SEMA3A: variants seen among roughly 807,000 people sequenced by gnomAD.
The protein encoded by SEMA3A is semaphorin 3A, also known as semaphorin-3A.
SEMA3A carries 29 observed loss-of-function variants against 97.9 expected under a neutral mutation model. The observed-to-expected ratio is 0.30, with a 90% CI of 0.22 to 0.40. The LOEUF (loss-of-function observed/expected upper bound fraction) is 0.40, where lower values mean the gene tolerates loss of function less well. SEMA3A is among the 10% of genes least tolerant of loss of function. The pLI is 1.00. For synonymous variants in SEMA3A, 321 were observed against 323.7 expected, an observed-to-expected ratio of 0.99 and a Z score of 0.09; for missense variants, 763 against 951.3, an observed-to-expected ratio of 0.80 and a Z score of 2.60.
Position 84,178,238 on chromosome 7 carries a change from C to T in SEMA3A, c.112+16237G>A, listed in dbSNP as rs551741092. Among the ~76,000 whole-genome samples the T allele has an allele frequency of 1.3e-3, 203 of 152,214 alleles. 1 individual carries two copies. The highest frequency in any genetic ancestry group is 4.8e-3 in the African/African-American group (200 of 41,562). On this transcript the variant is annotated intron_variant, in intron 1 of 16. Transcript: ENST00000265362. ...TCTAATTCCTTTGTAAATAAGGCCTCTTTTGCTTTTTTATAACACTTATTG... is the reference window on the plus strand; with the variant it reads ...TCTAATTCCTTTGTAAATAAGGCCTTTTTTGCTTTTTTATAACACTTATTG...
intron 3 of SEMA3A, among the ~76,000 whole-genome samples, chr7:84,286,852 A>G (rs966849589): frequency 6.6e-6 from 1 of 152,184 alleles, no homozygotes; most frequent in African/African-American, 2.4e-5. Flanking sequence ...TCATTTAAAA[A>G]TGCCATAATC....
intron 2 of SEMA3A, among the ~76,000 whole-genome samples, chr7:84,308,437 A>T: frequency 6.6e-6 from 1 of 152,226 alleles, no homozygotes; most frequent in East Asian, 1.9e-4. Flanking sequence ...TGGTGAAATT[A>T]TCTGAAGTTA....
intron 1 of SEMA3A, among the ~76,000 whole-genome samples, chr7:84,416,067 T>C (rs146650868): frequency 9.8e-4 from 149 of 152,180 alleles, no homozygotes; most frequent in Middle Eastern, 3.4e-3. Flanking sequence ...TAAAGTATAA[T>C]GTGGGACTAA....
intron 3 of SEMA3A, among the ~76,000 whole-genome samples, chr7:84,272,524 T>A (rs1037828637): frequency 6.6e-6 from 1 of 152,084 alleles, no homozygotes; most frequent in South Asian, 2.1e-4. Flanking sequence ...AGGAACCTAG[T>A]TCTGAGGAAC....
chr7:83,979,458 T>C (rs1789306390), intron 14 of SEMA3A, among the ~76,000 whole-genome samples: 1 of 152,142 alleles, frequency 6.6e-6, no homozygotes, highest in East Asian at 1.9e-4. Context: ...AGTAAGATAA[T>C]AGCCACCTAG....
chr7:83,990,937 C>A (rs1279463028), intron 12 of SEMA3A, among the ~76,000 whole-genome samples: 1 of 152,140 alleles, frequency 6.6e-6, no homozygotes, highest in Admixed American at 6.5e-5. Flanking sequence ...GATATTGATT[C>A]TTCCTACCCA....
chr7:84,236,466 C>T (rs1030570150), intron 3 of SEMA3A, among the ~76,000 whole-genome samples: 8 of 152,108 alleles, frequency 5.3e-5, no homozygotes, highest in African/African-American at 1.9e-4. Flanking sequence ...GATTGCCTCT[C>T]TTTGCAAGAG....
At chr7:84,051,044 G>A (rs1216122766) in intron 5 of SEMA3A, among the ~76,000 whole-genome samples, 1 of 151,614 alleles carries the variant, frequency 6.6e-6, no homozygotes, top group East Asian at 1.9e-4. Context: ...ATTTCGGAGG[G>A]CTCTGTTCTG....
At chr7:84,051,875 A>T (rs1792673177) in intron 5 of SEMA3A, among the ~76,000 whole-genome samples, 1 of 150,388 alleles carries the variant, frequency 6.6e-6, no homozygotes, top group South Asian at 2.1e-4. Context: ...ATTATTTTGA[A>T]ATACGTCCCA....
chr7:84,404,518 A>C (rs917765467), intron 1 of SEMA3A, among the ~76,000 whole-genome samples: 17 of 152,232 alleles, frequency 1.1e-4, no homozygotes, highest in South Asian at 8.3e-4. Context: ...GGCAGGCCAA[A>C]ATTCAAATTC....
At chr7:84,430,580 T>C (rs2116317596) in intron 1 of SEMA3A, among the ~76,000 whole-genome samples, 1 of 152,120 alleles carries the variant, frequency 6.6e-6, no homozygotes, top group East Asian at 1.9e-4. Context: ...ATCACATCAG[T>C]GTGAAAAATA....
chr7:84,274,643 T>C (rs930918534), intron 3 of SEMA3A, among the ~76,000 whole-genome samples: 1 of 152,090 alleles, frequency 6.6e-6, no homozygotes, highest in Admixed American at 6.6e-5. Context: ...ATTATGTAAA[T>C]GTACTCTACT....
chr7:84,328,842 GA>G (rs568405958), intron 2 of SEMA3A, among the ~76,000 whole-genome samples: 1 of 152,054 alleles, frequency 6.6e-6, no homozygotes, highest in Non-Finnish European at 1.5e-5. Context: ...ATGATGAAAA[GA>G]AATGCAATAA....
rs866020928 is a variant in SEMA3A at position 84,028,887 on chromosome 7, G to A, written c.668-14536C>T. 1.5e-4 allele frequency among the ~76,000 whole-genome samples: 23 copies of A among 152,296 alleles called. No individual in the cohort carries two copies. The Middle Eastern group carries it at 0.01, about 68-fold the overall frequency. On this transcript the variant is annotated intron_variant, in intron 6 of 16. Coordinates refer to ENST00000265362, the MANE Select transcript of SEMA3A (RefSeq NM_006080.3). ...GCCCGCCTCGGCCTCCCAAAGTGCT[G>A]GGATTACAGGCGTGAGCCACAGTGC...
At chr7:83,983,160 ATTG>A (rs968573953) in intron 13 of SEMA3A, among the ~76,000 whole-genome samples, 4 of 152,142 alleles carry the variant, frequency 2.6e-5, no homozygotes, top group Admixed American at 2.6e-4. Flanking sequence ...TAGATTAAGT[ATTG>A]TTAAGCTTTC....
At chr7:84,241,721 G>T (rs566051145) in intron 3 of SEMA3A, among the ~76,000 whole-genome samples, 1 of 152,126 alleles carries the variant, frequency 6.6e-6, no homozygotes, top group Non-Finnish European at 1.5e-5. Flanking sequence ...GCCCTGAATG[G>T]TATTGCCTAG....
chr7:84,213,138 C>G (rs912321646), intron 3 of SEMA3A, among the ~76,000 whole-genome samples: 1 of 152,020 alleles, frequency 6.6e-6, no homozygotes, highest in South Asian at 2.1e-4. Flanking sequence ...CCACCATGCC[C>G]GGCTAATGTT....
intron 2 of SEMA3A, among the ~76,000 whole-genome samples, chr7:84,338,426 C>T (rs963767151): frequency 6.6e-6 from 1 of 151,888 alleles, no homozygotes; most frequent in Non-Finnish European, 1.5e-5. Flanking sequence ...TGCATCATCC[C>T]ACTCTGGCAT....
chr7:84,044,275 C>T (rs1484214381), intron 6 of SEMA3A, among the ~76,000 whole-genome samples: 1 of 151,892 alleles, frequency 6.6e-6, no homozygotes, highest in Non-Finnish European at 1.5e-5. Context: ...GAGTTCTGCA[C>T]ATGCTCTTCT....
Sources: gnomAD v4.1 joint callset for allele counts (sites outside exome capture counted in the v4.1 genomes callset) on GRCh38, gnomAD v4.1.1 for gene constraint, MANE v1.5 for transcripts, NCBI Gene and HGNC (gene_info 2026-07-23, HGNC 2026-07-21) for gene names.